The following IFT74 variants were observed in gnomAD, a reference collection of about 807,000 sequenced individuals.
IFT74 encodes the protein intraflagellar transport 74.
A neutral mutation model predicts 96.7 loss-of-function variants in IFT74; 92 were observed. That is an observed-to-expected ratio of 0.95 (90% confidence interval 0.80 to 1.13). IFT74 has a LOEUF of 1.13. IFT74 is among the 50% of genes most tolerant of loss of function. The pLI is 0.00. For missense variants in IFT74, 811 were observed against 698.2 expected (o/e 1.16, Z -1.82); for synonymous variants, 223 against 213.2 (o/e 1.05, Z -0.40).
intron 18 of IFT74, among the ~76,000 whole-genome samples, chr9:27,060,347 T>C (rs982915126): frequency 1.3e-5 from 2 of 152,038 alleles, no homozygotes; most frequent in East Asian, 3.8e-4. Flanking sequence ...TGTTCATTGG[T>C]ATAATAAACA....
At chr9:27,052,947 C>T (rs1430317128) in intron 16 of IFT74, among the ~76,000 whole-genome samples, 1 of 152,030 alleles carries the variant, frequency 6.6e-6, no homozygotes, top group Non-Finnish European at 1.5e-5. Context: ...ACTGCAGGCT[C>T]CGCCCCCAGG....
intron 13 of IFT74, among the ~76,000 whole-genome samples, chr9:27,035,691 A>T (rs1330012483): frequency 6.6e-6 from 1 of 152,250 alleles, no homozygotes; most frequent in Non-Finnish European, 1.5e-5. Context: ...ATGATTTTAT[A>T]TACAGTACTC....
At chr9:26,998,290 G>T (rs752509938) in intron 8 of IFT74, 18 of 1,117,796 alleles carry the variant, frequency 1.6e-5, no homozygotes, top group African/African-American at 3.2e-5. Context: ...AAAATTAATA[G>T]AATTTCACCA....
chr9:26,948,445 A>ATTTTT (rs1554662864), intron 1 of IFT74, among the ~76,000 whole-genome samples: 11 of 47,308 alleles, frequency 2.3e-4, no homozygotes, highest in Non-Finnish European at 3.9e-4. Context: ...ATGGCTTTCC[A>ATTTTT]TTATTTTTTT....
intron 8 of IFT74, chr9:26,995,418 T>C (rs1028338502): frequency 6.0e-6 from 4 of 668,804 alleles, no homozygotes; most frequent in Admixed American, 5.9e-5. Flanking sequence ...GTCATTAATA[T>C]GAATGCCTGC....
At chr9:27,044,533 C>G (rs532986629) in intron 13 of IFT74, among the ~76,000 whole-genome samples, 1 of 152,254 alleles carries the variant, frequency 6.6e-6, no homozygotes, top group East Asian at 1.9e-4. Context: ...TAAGTCCTTT[C>G]CAATCATATT....
chr9:26,947,848 G>A (rs1030564940), intron 1 of IFT74, among the ~76,000 whole-genome samples: 2 of 152,130 alleles, frequency 1.3e-5, no homozygotes, highest in Non-Finnish European at 2.9e-5. Flanking sequence ...TTGTTAAAAT[G>A]TAGATTCTGA....
chr9:27,002,531 A>G (rs1301058783), intron 8 of IFT74, among the ~76,000 whole-genome samples: 1 of 152,204 alleles, frequency 6.6e-6, no homozygotes, highest in Non-Finnish European at 1.5e-5. Context: ...TTCTAGCACC[A>G]TTTATTGAAA....
intron 13 of IFT74, among the ~76,000 whole-genome samples, chr9:27,038,996 T>G (rs1463998102): frequency 6.6e-6 from 1 of 152,174 alleles, no homozygotes; most frequent in Non-Finnish European, 1.5e-5. Context: ...GCTTGAAGAT[T>G]CTTCCAGCAT....
chr9:27,051,321 G>A (rs1342466376), intron 16 of IFT74, among the ~76,000 whole-genome samples: 1 of 151,984 alleles, frequency 6.6e-6, no homozygotes, highest in Non-Finnish European at 1.5e-5. Flanking sequence ...TTGAGAGTTT[G>A]TTTGCCGTAG....
chr9:27,002,502 A>G (rs1323143179), intron 8 of IFT74, among the ~76,000 whole-genome samples: 3 of 152,160 alleles, frequency 2.0e-5, no homozygotes, highest in Non-Finnish European at 2.9e-5. Flanking sequence ...TCATTTTTCC[A>G]TATATAGTTA....
chr9:26,979,703 C>CTTTTTTTTTT (rs951706952), intron 3 of IFT74, among the ~76,000 whole-genome samples: 1 of 75,452 alleles, frequency 1.3e-5, no homozygotes, highest in African/African-American at 5.2e-5. Context: ...GGAACACTTT[C>CTTTTTTTTTT]TTTTTTTTTT....
chr9:26,970,338 T>C (rs1034786922), intron 2 of IFT74, among the ~76,000 whole-genome samples: 2 of 152,202 alleles, frequency 1.3e-5, no homozygotes, highest in African/African-American at 2.4e-5. Flanking sequence ...GACTTTTTAA[T>C]GTATTTATAA....
intron 19 of IFT74, chr9:27,061,130 T>C (rs562794492): frequency 6.9e-4 from 115 of 167,706 alleles, no homozygotes; most frequent in Non-Finnish European, 8.2e-4. Context: ...GTTTCAATTC[T>C]ACAGTAGTTA....
At chr9:27,048,957 T>C (rs1293707671) in intron 16 of IFT74, among the ~76,000 whole-genome samples, 1 of 152,118 alleles carries the variant, frequency 6.6e-6, no homozygotes, top group Non-Finnish European at 1.5e-5. Flanking sequence ...TGGGAAATGT[T>C]TGGGTCATGG....
In IFT74 at chr9:27,058,273, G is replaced by T. The variant is rs565112868; in HGVS notation, c.1623+1814G>T. Among the ~76,000 whole-genome samples, 98 of 152,148 alleles carry T rather than the reference G, an allele frequency of 6.4e-4. 1 individual carries two copies. In the South Asian group the frequency reaches 0.019, roughly 30 times the overall value. ...CAGCCAATTTTTATTATTTTTTATA[G>T]AGACAGGGTCTTGCTGTATTGCCCT... On this transcript the variant is annotated intron_variant, in intron 18 of 19. Coordinates refer to ENST00000380062, the MANE Select transcript of IFT74 (RefSeq NM_025103.4).
chr9:27,029,450 T>C (rs1173756064), intron 13 of IFT74, among the ~76,000 whole-genome samples: 1 of 152,168 alleles, frequency 6.6e-6, no homozygotes, highest in Admixed American at 6.6e-5. Flanking sequence ...AATAGTTTAC[T>C]ATAAACAATA....
At chr9:27,007,036 A>T (rs1828828898) in intron 8 of IFT74, among the ~76,000 whole-genome samples, 1 of 151,522 alleles carries the variant, frequency 6.6e-6, no homozygotes, top group African/African-American at 2.4e-5. Context: ...ACGGGGTTTC[A>T]CCATGTTAGC....
chr9:26,952,857 A>G (rs1825977856), upstream of IFT74, among the ~76,000 whole-genome samples: 1 of 152,214 alleles, frequency 6.6e-6, no homozygotes, highest in African/African-American at 2.4e-5. Context: ...AGGGCCTATG[A>G]GTTAAACTGA....
Sources: allele counts gnomAD v4.1 joint callset (sites outside exome capture counted in the v4.1 genomes callset), GRCh38; gene constraint gnomAD v4.1.1; transcripts MANE v1.5; gene names NCBI Gene and HGNC (gene_info 2026-07-23, HGNC 2026-07-21).